AGTPBP1: variants seen among roughly 807,000 people sequenced by gnomAD.
AGTPBP1 encodes the protein ATP/GTP binding carboxypeptidase 1.
Under a neutral mutation model 143.9 loss-of-function variants are expected in AGTPBP1, and 70 were observed. The ratio of observed to expected loss-of-function variants is 0.49; its 90% CI spans 0.40 to 0.59. The LOEUF is 0.59. Among genes scored for constraint, AGTPBP1 ranks in the 20% least tolerant of loss-of-function variants. AGTPBP1 has a pLI of 0.00. For missense variants in AGTPBP1, 1,229 were observed against 1,464.5 expected (o/e 0.84, Z 2.62); for synonymous variants, 463 against 500.2 (o/e 0.93, Z 0.99).
intron 14 of AGTPBP1, among the ~76,000 whole-genome samples, chr9:85,622,889 T>C (rs1024402774): frequency 6.6e-6 from 1 of 152,194 alleles, no homozygotes; most frequent in African/African-American, 2.4e-5. Context: ...AATGACTAAA[T>C]ATATCTATTT....
upstream of AGTPBP1, among the ~76,000 whole-genome samples, chr9:85,744,738 A>G (rs1456329727): frequency 6.6e-6 from 1 of 152,334 alleles, no homozygotes; most frequent in African/African-American, 2.4e-5. Context: ...AGTCCACTGT[A>G]GGCATGTTTA....
chr9:85,554,048 T>C (rs1826186873), intron 25 of AGTPBP1: 1 of 152,260 alleles, frequency 6.6e-6, no homozygotes, highest in African/African-American at 2.4e-5. Flanking sequence ...GTTAGTGATT[T>C]GCTAGGAAGA....
intron 2 of AGTPBP1, among the ~76,000 whole-genome samples, chr9:85,695,462 T>C (rs986671655): frequency 3.9e-5 from 6 of 152,210 alleles, no homozygotes; most frequent in African/African-American, 1.4e-4. Flanking sequence ...TTATTTACCA[T>C]TGACACTGTG....
chr9:85,661,008 A>G (rs200397605), intron 8 of AGTPBP1, 35 bp from the exon 9 acceptor site: 1 of 1,555,460 alleles, frequency 6.4e-7, no homozygotes, highest in Non-Finnish European at 8.7e-7. Context: ...AACAACAACA[A>G]AACTAGTAAA....
At chr9:85,777,933 A>C in the AGTPBP1 span, among the ~76,000 whole-genome samples, 86 of 152,332 alleles carry the variant, frequency 5.6e-4, no homozygotes, top group African/African-American at 1.9e-3. Flanking sequence ...AAGGGGCTGT[A>C]GTGCCGCAGC....
upstream of AGTPBP1, among the ~76,000 whole-genome samples, chr9:85,742,518 A>C (rs1824429990): frequency 6.6e-6 from 1 of 152,164 alleles, no homozygotes; most frequent in Admixed American, 6.5e-5. Flanking sequence ...ACATGCTGTT[A>C]CTACAATCGG....
chr9:85,591,794 A>T (rs1828984207), intron 19 of AGTPBP1, among the ~76,000 whole-genome samples: 1 of 151,998 alleles, frequency 6.6e-6, no homozygotes, highest in Non-Finnish European at 1.5e-5. Context: ...CTCTCTAATA[A>T]TTTGGGAGCT....
chr9:85,770,215 T>G, the AGTPBP1 span: 1 of 993,082 alleles, frequency 1.0e-6, no homozygotes. Context: ...AGTTTAGTAG[T>G]ATCTGAGTAT....
chr9:85,722,903 T>C (rs867521882), intron 1 of AGTPBP1, among the ~76,000 whole-genome samples: 19 of 152,274 alleles, frequency 1.2e-4, no homozygotes, highest in African/African-American at 4.1e-4. Flanking sequence ...TTCCTTTCTG[T>C]TAGTTTTCCT....
the AGTPBP1 span, among the ~76,000 whole-genome samples, chr9:85,784,507 G>C: frequency 2.0e-5 from 3 of 152,000 alleles, no homozygotes; most frequent in Non-Finnish European, 4.4e-5. Context: ...TCCTGGGCTT[G>C]AGCAATCCTC....
the AGTPBP1 span, chr9:85,786,315 T>C: frequency 6.2e-7 from 1 of 1,609,498 alleles, no homozygotes; most frequent in Non-Finnish European, 8.5e-7. Context: ...CACCCCCCAG[T>C]GGGCATATGT....
At position 85,672,532 on chromosome 9, in the gene AGTPBP1, A is replaced by G; in HGVS notation, c.568+18T>C. On this transcript the variant is annotated intron_variant, in intron 7 of 25. Transcript: ENST00000357081. ...ACTTTACAACACTGAGTTAACTAAA[A>G]GCCACCTAAATACTCACAGTTGGCA... The G allele has an allele frequency of 6.2e-7, 1 of 1,602,904 alleles. No individual in the cohort carries two copies. The highest frequency in any genetic ancestry group is 8.5e-7 in the Non-Finnish European group (1 of 1,176,536).
chr9:85,777,427 G>T, the AGTPBP1 span, among the ~76,000 whole-genome samples: 1 of 152,170 alleles, frequency 6.6e-6, no homozygotes, highest in Non-Finnish European at 1.5e-5. Flanking sequence ...CTGGCAAATT[G>T]GGCACTCAGC....
chr9:85,578,778 A>G, intron 24 of AGTPBP1, 142 bp downstream of exon 24: 1 of 813,206 alleles, frequency 1.2e-6, no homozygotes, highest in Non-Finnish European at 1.8e-6. Context: ...TATTCTTAAG[A>G]CTGCATATGA....
intron 2 of AGTPBP1, among the ~76,000 whole-genome samples, chr9:85,710,276 G>GT (rs763730633): frequency 5.3e-5 from 8 of 151,920 alleles, no homozygotes; most frequent in Non-Finnish European, 1.0e-4. Context: ...CTAGGTAAAA[G>GT]TATTTCATAA....
At chr9:85,556,254 G>T (rs527641469) in intron 25 of AGTPBP1, among the ~76,000 whole-genome samples, 5 of 152,280 alleles carry the variant, frequency 3.3e-5, no homozygotes, top group Admixed American at 6.5e-5. Context: ...AGCATTGTCT[G>T]TGAAGAGGCA....
intron 25 of AGTPBP1, among the ~76,000 whole-genome samples, chr9:85,551,374 AAT>A (rs1179290420): frequency 5.9e-5 from 9 of 152,322 alleles, no homozygotes; most frequent in African/African-American, 1.7e-4. Flanking sequence ...CTCATCTTGG[AAT>A]ATGTGTCCCT....
the AGTPBP1 span, among the ~76,000 whole-genome samples, chr9:85,758,935 G>A: frequency 6.6e-6 from 1 of 152,002 alleles, no homozygotes; most frequent in Non-Finnish European, 1.5e-5. Context: ...GATATACCAA[G>A]CAAATGGAAA....
intron 14 of AGTPBP1, among the ~76,000 whole-genome samples, chr9:85,621,555 C>T (rs1328948321): frequency 6.6e-6 from 1 of 151,284 alleles, no homozygotes; most frequent in African/African-American, 2.4e-5. Context: ...ACTTGAATGT[C>T]TATTATGCCT....
Sources: allele counts gnomAD v4.1 joint callset (sites outside exome capture counted in the v4.1 genomes callset), GRCh38; gene constraint gnomAD v4.1.1; transcripts MANE v1.5; gene names NCBI Gene and HGNC (gene_info 2026-07-23, HGNC 2026-07-21).